Variants in CACNB2 observed in about 807,000 individuals in gnomAD.
CACNB2 encodes the protein calcium voltage-gated channel auxiliary subunit beta 2, also known as voltage-dependent L-type calcium channel subunit beta-2.
Under a neutral mutation model 73.3 loss-of-function variants are expected in CACNB2, and 42 were observed. The ratio of observed to expected loss-of-function variants is 0.57; its 90% CI spans 0.45 to 0.74. The LOEUF is 0.74. CACNB2 is among the 30% of genes least tolerant of loss of function. The probability of loss-of-function intolerance (pLI) is 0.00; values close to 1 mark genes in which losing one functional copy is unlikely to be tolerated. For missense variants in CACNB2, 940 were observed against 853.0 expected (o/e 1.10, Z -1.27); for synonymous variants, 348 against 310.3 (o/e 1.12, Z -1.28).
rs535961008 is a variant in CACNB2, at chr10:18,236,000, AT to A, written c.213+85026del. 1.4e-4 allele frequency among the ~76,000 whole-genome samples: 21 copies of A among 152,248 alleles called. No homozygotes were observed. In the East Asian group the frequency reaches 3.9e-3, roughly 28 times the overall value. ...AAACTCTCTTCCTCTTGCTCCAGCC[AT>A]GTAACATGGCTGTTTTCCCTTCTGC... On this transcript the variant is annotated intron_variant, in intron 2 of 13. Coordinates refer to ENST00000324631, the MANE Select transcript of CACNB2 (RefSeq NM_201596.3).
intron 2 of CACNB2, among the ~76,000 whole-genome samples, chr10:18,354,157 C>G (rs1448423184): frequency 2.0e-5 from 3 of 151,988 alleles, no homozygotes; most frequent in African/African-American, 7.3e-5. Flanking sequence ...GATGTATGAC[C>G]CCTATAGACC....
At chr10:18,272,366 C>G (rs2038090869) in intron 2 of CACNB2, among the ~76,000 whole-genome samples, 1 of 152,136 alleles carries the variant, frequency 6.6e-6, no homozygotes, top group African/African-American at 2.4e-5. Flanking sequence ...TCCTCTCCCC[C>G]AAGGTTCTAT....
chr10:18,251,811 A>G (rs777970228), intron 2 of CACNB2, among the ~76,000 whole-genome samples: 3 of 152,068 alleles, frequency 2.0e-5, no homozygotes, highest in Non-Finnish European at 4.4e-5. Context: ...ATGCTTTTAA[A>G]CCATCAGATC....
At chr10:18,519,170 C>T (rs533017695) in intron 9 of CACNB2, among the ~76,000 whole-genome samples, 3 of 152,250 alleles carry the variant, frequency 2.0e-5, no homozygotes, top group South Asian at 4.1e-4. Flanking sequence ...TGTCTAGTTC[C>T]TGTACCTACA....
intron 2 of CACNB2, among the ~76,000 whole-genome samples, chr10:18,315,206 C>A (rs1434860929): frequency 2.0e-5 from 3 of 151,954 alleles, no homozygotes; most frequent in Non-Finnish European, 4.4e-5. Context: ...TGGTGGCACA[C>A]ATCTGTAATC....
At chr10:18,177,065 C>G (rs1199123552) in intron 2 of CACNB2, among the ~76,000 whole-genome samples, 2 of 152,030 alleles carry the variant, frequency 1.3e-5, no homozygotes, top group African/African-American at 4.8e-5. Context: ...ACCCTAAACC[C>G]TAAGGCTGGG....
At chr10:18,194,793 A>T (rs184112080) in intron 2 of CACNB2, among the ~76,000 whole-genome samples, 3 of 152,344 alleles carry the variant, frequency 2.0e-5, no homozygotes, top group East Asian at 3.9e-4. Flanking sequence ...TCTGTGTTTT[A>T]TGAAACGAAC....
At chr10:18,469,920 G>A (rs1589448588) in intron 3 of CACNB2, among the ~76,000 whole-genome samples, 1 of 152,094 alleles carries the variant, frequency 6.6e-6, no homozygotes, top group East Asian at 1.9e-4. Context: ...TAAGTCCTGG[G>A]ATCTTGAGGT....
At chr10:18,303,456 G>T (rs1256338969) in intron 2 of CACNB2, among the ~76,000 whole-genome samples, 1 of 152,066 alleles carries the variant, frequency 6.6e-6, no homozygotes, top group East Asian at 1.9e-4. Flanking sequence ...AGTGAGCCAT[G>T]ATCACGCCAC....
rs140894109 is a variant in CACNB2, at chr10:18,453,972, G to C, written c.334-44383G>C. Among the ~76,000 whole-genome samples, 3 of 152,186 alleles carry C rather than the reference G, an allele frequency of 2.0e-5. No homozygotes were observed. In the East Asian group the frequency reaches 5.8e-4, roughly 29 times the overall value. ...GTTTTTAAACAAGTAGCATGGAGGT[G>C]CCTGGAGGCCTGCGTTTGTGTTTCA... On this transcript the variant is annotated intron_variant, in intron 3 of 13. Coordinates refer to ENST00000324631, the MANE Select transcript of CACNB2 (RefSeq NM_201596.3).
chr10:18,142,967 A>G (rs376601893), intron 1 of CACNB2, among the ~76,000 whole-genome samples: 15 of 152,228 alleles, frequency 9.9e-5, no homozygotes, highest in East Asian at 3.9e-4. Flanking sequence ...GAATTGAAGG[A>G]TGGGTCAGAT....
rs193205690 is a variant in CACNB2, at chr10:18,488,089, G to A, written c.334-10266G>A. ...CTCCCAAAGTGCTGGGATTACATGCGTGAGCCACCACACCCAGCCATTCAT... is the reference window on the plus strand; with the variant it reads ...CTCCCAAAGTGCTGGGATTACATGCATGAGCCACCACACCCAGCCATTCAT... On this transcript the variant is annotated intron_variant, in intron 3 of 13. Coordinates refer to ENST00000324631, the MANE Select transcript of CACNB2 (RefSeq NM_201596.3). Among the ~76,000 whole-genome samples the A allele has an allele frequency of 2.8e-4, 42 of 151,610 alleles. 1 individual carries two copies. The South Asian group carries it at 4.8e-3, about 17-fold the overall frequency.
At chr10:18,241,237 G>A (rs1346077054) in intron 2 of CACNB2, among the ~76,000 whole-genome samples, 1 of 152,054 alleles carries the variant, frequency 6.6e-6, no homozygotes, top group Non-Finnish European at 1.5e-5. Flanking sequence ...ACCTCCTAAG[G>A]CTGTGTCATG....
chr10:18,501,893 C>T (rs1464563542), intron 5 of CACNB2, among the ~76,000 whole-genome samples: 5 of 152,124 alleles, frequency 3.3e-5, no homozygotes, highest in African/African-American at 7.2e-5. Context: ...TTAGTTCAGA[C>T]GGATTCCTCT....
intron 2 of CACNB2, among the ~76,000 whole-genome samples, chr10:18,244,813 G>A (rs562708540): frequency 2.0e-5 from 3 of 152,330 alleles, no homozygotes; most frequent in African/African-American, 4.8e-5. Context: ...ATGTGATTAA[G>A]TTAAAGATCT....
At chr10:18,176,944 A>G (rs2033626008) in intron 2 of CACNB2, among the ~76,000 whole-genome samples, 1 of 152,016 alleles carries the variant, frequency 6.6e-6, no homozygotes, top group African/African-American at 2.4e-5. Context: ...ACAGAATTCC[A>G]GAACTTGTTA....
intron 2 of CACNB2, among the ~76,000 whole-genome samples, chr10:18,372,980 T>A (rs1011212154): frequency 2.6e-5 from 4 of 152,118 alleles, no homozygotes; most frequent in South Asian, 4.1e-4. Flanking sequence ...CAGCTTATTT[T>A]TTTTATTTTA....
intron 2 of CACNB2, among the ~76,000 whole-genome samples, chr10:18,320,345 G>A (rs1461723072): frequency 3.9e-5 from 6 of 152,106 alleles, no homozygotes; most frequent in Non-Finnish European, 8.8e-5. Context: ...GCTTTGCTTT[G>A]CTTTGGTTTT....
rs763264010 is a variant in CACNB2, at chr10:18,498,383, C to A, written c.362C>A (p.Thr121Lys). ...AAGCCCGTTGCATTTGCGGTTCGGA[C>A]AAATGTCAGCTACAGTGCGGCCCAT... The part of the protein sequence containing the change: ...KTKPVAFAVR[T>K]NVSYSAAHED... The change falls in exon 4 of 14, where the codon ACA (threonine) becomes AAA (lysine). Residue 121 changes from threonine (T) to lysine (K), a missense_variant. By Grantham distance (78) the Thr-to-Lys change is moderately conservative (BLOSUM62 -1). Transcript: ENST00000324631. 6.2e-7 allele frequency: 1 copy of A among 1,614,040 alleles called. No individual in the cohort carries two copies.
Sources: gnomAD v4.1 joint callset for allele counts (sites outside exome capture counted in the v4.1 genomes callset) on GRCh38, gnomAD v4.1.1 for gene constraint, MANE v1.5 for transcripts, NCBI Gene and HGNC (gene_info 2026-07-23, HGNC 2026-07-21) for gene names.